Variants in EPB41L4A observed in about 807,000 individuals in gnomAD.
EPB41L4A encodes erythrocyte membrane protein band 4.1 like 4A.
A neutral mutation model predicts 108.6 loss-of-function variants in EPB41L4A; 100 were observed. The ratio of observed to expected loss-of-function variants is 0.92; its 90% confidence interval spans 0.78 to 1.09. The LOEUF is 1.09. Among genes scored for constraint, EPB41L4A ranks in the 50% least tolerant of loss-of-function variants. The pLI, the probability that EPB41L4A is intolerant of heterozygous loss-of-function variation, is 0.00. For missense variants in EPB41L4A, 1,030 were observed against 842.7 expected, an observed-to-expected ratio of 1.22 and a Z score of -2.75; for synonymous variants, 319 against 289.0, an observed-to-expected ratio of 1.10 and a Z score of -1.05.
At chr5:112,228,730 G>A (rs1441081001) in intron 12 of EPB41L4A, 1 of 985,306 alleles carries the variant, frequency 1.0e-6, no homozygotes, top group Non-Finnish European at 1.2e-6. Context: ...GAACTTGTCA[G>A]AGAGAGGGTT....
chr5:112,221,469 T>C (rs1043864369), intron 12 of EPB41L4A, among the ~76,000 whole-genome samples: 1 of 152,220 alleles, frequency 6.6e-6, no homozygotes, highest in African/African-American at 2.4e-5. Context: ...TTAAACTACT[T>C]TGGGCCACAG....
chr5:112,328,906 T>C (rs555728883), intron 1 of EPB41L4A, among the ~76,000 whole-genome samples: 1 of 152,378 alleles, frequency 6.6e-6, no homozygotes, highest in African/African-American at 2.4e-5. Flanking sequence ...CAGGTTTTCT[T>C]GCATCATTCT....
intron 12 of EPB41L4A, chr5:112,146,087 C>A: frequency 2.4e-6 from 1 of 418,834 alleles, no homozygotes; most frequent in South Asian, 1.8e-5. Flanking sequence ...GGACTACTCA[C>A]CCATTCATCT....
rs577493162 is a variant in EPB41L4A, at chr5:112,272,299, C to T, written c.335+3027G>A. Among the ~76,000 whole-genome samples the T allele has an allele frequency of 9.6e-4, 145 of 151,468 alleles. 1 individual carries two copies. Among genetic ancestry groups the T allele is most frequent in the Non-Finnish European group, 1.1e-3 (76 of 67,914 alleles). On this transcript the variant is annotated intron_variant, in intron 4 of 22. Transcript: ENST00000261486. Reference sequence around the variant, plus strand: ...GGGAGTACAGGTGCCCGCCGCCACGCGCAGCTGATTTTTGTATTTTTTTAG... The same window carrying T: ...GGGAGTACAGGTGCCCGCCGCCACGTGCAGCTGATTTTTGTATTTTTTTAG...
intron 14 of EPB41L4A, among the ~76,000 whole-genome samples, 187 bp downstream of exon 14, chr5:112,205,234 A>G (rs1421572849): frequency 2.6e-5 from 4 of 151,432 alleles, no homozygotes; most frequent in African/African-American, 9.7e-5. Flanking sequence ...GTTATAAAAC[A>G]TACTGTTGAT....
At chr5:112,240,848 A>G in intron 9 of EPB41L4A, 38 bp from the exon 10 acceptor site, 1 of 1,293,770 alleles carries the variant, frequency 7.7e-7, no homozygotes, top group Non-Finnish European at 1.1e-6. Flanking sequence ...AATAATGACC[A>G]GGGAAGGAAG....
chr5:112,183,874 G>C, intron 18 of EPB41L4A, 142 bp downstream of exon 18: 1 of 1,105,608 alleles, frequency 9.0e-7, no homozygotes, highest in Non-Finnish European at 1.3e-6. Context: ...GTTAATAAAT[G>C]TCACAAATAT....
Position 112,419,247 on chromosome 5 carries a change from C to G in EPB41L4A, c.-208G>C, listed in dbSNP as rs893457976. 2 of 409,002 alleles carry G rather than the reference C, an allele frequency of 4.9e-6. No individual in the cohort carries two copies. The highest frequency in any genetic ancestry group is 9.5e-5 in the Admixed American group (2 of 21,156). 25.3% of individuals were successfully genotyped at this position (409,002 alleles called of 1,614,324 possible). On this transcript the variant is annotated 5_prime_UTR_variant, in exon 1 of 23. Coordinates refer to ENST00000261486, the MANE Select transcript of EPB41L4A (RefSeq NM_022140.5). Reference sequence around the variant, plus strand: ...GGAAAAGCCCGGGAGAGTCAGCGCCCGGGAGCCGCCGGGGAAGCGCCGGCG... The same window carrying G: ...GGAAAAGCCCGGGAGAGTCAGCGCCGGGGAGCCGCCGGGGAAGCGCCGGCG...
intron 1 of EPB41L4A, among the ~76,000 whole-genome samples, chr5:112,377,215 GAAA>G (rs576720562): frequency 2.9e-5 from 3 of 101,702 alleles, no homozygotes; most frequent in Admixed American, 1.1e-4. Context: ...CTGTTTGTTT[GAAA>G]AAAAAAAAAA....
chr5:112,168,680 A>C, intron 22 of EPB41L4A, 59 bp downstream of exon 22: 1 of 1,410,538 alleles, frequency 7.1e-7, no homozygotes, highest in South Asian at 1.2e-5. Flanking sequence ...CCAAAGCACA[A>C]AATGCTTCTC....
rs901801283 is a variant in EPB41L4A, at chr5:112,370,776, A to G, written c.99+48165T>C. 3.9e-5 allele frequency among the ~76,000 whole-genome samples: 6 copies of G among 152,136 alleles called. No individual in the cohort carries two copies. The East Asian group carries it at 1.2e-3, about 29-fold the overall frequency. On this transcript the variant is annotated intron_variant, in intron 1 of 22. Coordinates refer to ENST00000261486, the MANE Select transcript of EPB41L4A (RefSeq NM_022140.5). ...CTAAAAATACAAAAATTAGCCAGGC[A>G]TGGTGGCACATGCCTGTAGTCCCAG...
intron 12 of EPB41L4A, among the ~76,000 whole-genome samples, chr5:112,230,578 T>C (rs999662064): frequency 6.6e-6 from 1 of 152,138 alleles, no homozygotes; most frequent in Non-Finnish European, 1.5e-5. Context: ...TGATGGGTTA[T>C]TCATTTTTTT....
chr5:112,156,636 T>G (rs1197227069), intron 12 of EPB41L4A, among the ~76,000 whole-genome samples: 1 of 152,194 alleles, frequency 6.6e-6, no homozygotes, highest in Non-Finnish European at 1.5e-5. Flanking sequence ...AGAAATAATG[T>G]TTAGCTAGAT....
intron 15 of EPB41L4A, among the ~76,000 whole-genome samples, chr5:112,197,652 T>A (rs139106731): frequency 3.6e-4 from 55 of 152,346 alleles, no homozygotes; most frequent in African/African-American, 1.3e-3. Context: ...CTGCTATGGA[T>A]GGATACTCAG....
At chr5:112,266,464 G>A (rs964348388) in intron 4 of EPB41L4A, 134 bp from the exon 5 acceptor site, 5 of 620,316 alleles carry the variant, frequency 8.1e-6, no homozygotes, top group Middle Eastern at 4.5e-4. Context: ...TTGTGTGAGG[G>A]GGCTGTTGAG....
chr5:112,325,370 G>A (rs541877927), intron 1 of EPB41L4A, among the ~76,000 whole-genome samples: 6 of 151,978 alleles, frequency 3.9e-5, no homozygotes, highest in South Asian at 4.2e-4. Flanking sequence ...GAACCCAAGA[G>A]GTGGAGCTTG....
intron 4 of EPB41L4A, among the ~76,000 whole-genome samples, chr5:112,268,247 G>C (rs114622055): frequency 6.6e-6 from 1 of 152,118 alleles, no homozygotes; most frequent in Non-Finnish European, 1.5e-5. Context: ...GAGTGGTGGC[G>C]CATGCCGGTA....
intron 1 of EPB41L4A, among the ~76,000 whole-genome samples, chr5:112,331,839 A>G (rs1756590207): frequency 6.6e-6 from 1 of 152,234 alleles, no homozygotes; most frequent in Non-Finnish European, 1.5e-5. Context: ...TATGCTGTCC[A>G]TGGCCCCCAC....
At chr5:112,195,797 C>T (rs1761939199) in intron 15 of EPB41L4A, 89 bp from the exon 16 acceptor site, 7 of 1,151,940 alleles carry the variant, frequency 6.1e-6, no homozygotes, top group Admixed American at 2.0e-5. Context: ...CTTCAGTTAA[C>T]ACATATTTGT....
Sources: allele counts gnomAD v4.1 joint callset (sites outside exome capture counted in the v4.1 genomes callset), GRCh38; gene constraint gnomAD v4.1.1; transcripts MANE v1.5; gene names NCBI Gene and HGNC (gene_info 2026-07-23, HGNC 2026-07-21).